Variants in VGLL4 observed in about 807,000 individuals in gnomAD.
The protein encoded by VGLL4 is vestigial like family member 4.
In VGLL4, 7 loss-of-function variants were observed where a neutral mutation model predicts 21.0. The observed-to-expected ratio is 0.33, with a 90% CI of 0.19 to 0.63. The LOEUF (loss-of-function observed/expected upper bound fraction) is 0.63, where lower values mean the gene tolerates loss of function less well. Ranked by LOEUF, VGLL4 falls within the 20% of genes least tolerant of loss-of-function variation. The pLI is 0.78. For synonymous variants in VGLL4, 222 were observed against 173.2 expected (o/e 1.28, Z -2.21); for missense variants, 394 against 425.7 (o/e 0.93, Z 0.66).
intron 2 of VGLL4, among the ~76,000 whole-genome samples, chr3:11,590,469 G>C (rs2074461544): frequency 6.6e-6 from 1 of 152,178 alleles, no homozygotes; most frequent in Non-Finnish European, 1.5e-5. Flanking sequence ...TTGGAGGAGA[G>C]GGCAGTAGCA....
At chr3:11,649,413 A>C (rs1028292394) in intron 2 of VGLL4, among the ~76,000 whole-genome samples, 5 of 152,196 alleles carry the variant, frequency 3.3e-5, no homozygotes, top group African/African-American at 4.8e-5. Context: ...AATGGTGGGC[A>C]TTTTTTCCAT....
At chr3:11,698,402 A>C (rs2076634111) in intron 2 of VGLL4, among the ~76,000 whole-genome samples, 1 of 152,164 alleles carries the variant, frequency 6.6e-6, no homozygotes, top group African/African-American at 2.4e-5. Flanking sequence ...CCAGTTACTC[A>C]GGAGGCTAAG....
chr3:11,564,040 C>T (rs1007765888), intron 3 of VGLL4, among the ~76,000 whole-genome samples: 2 of 152,210 alleles, frequency 1.3e-5, no homozygotes, highest in African/African-American at 4.8e-5. Context: ...CGGCACCATC[C>T]TCTCTGTCAG....
intron 2 of VGLL4, among the ~76,000 whole-genome samples, chr3:11,662,541 A>C (rs906438882): frequency 2.6e-5 from 4 of 152,222 alleles, no homozygotes; most frequent in South Asian, 2.1e-4. Context: ...TCCAATGGCC[A>C]ACTCAAAATA....
At position 11,573,237 on chromosome 3, in the gene VGLL4, AAGAAATAG is replaced by A. The variant is rs1225113168; in HGVS notation, c.273-8226_273-8219del. ...GAGAGAGAAAGACAGACAGAAAGAA[AAGAAATAG>A]AGAAAGAAAGAAAGAAAGAAAGAAA... On this transcript the variant is annotated intron_variant, in intron 2 of 4. Transcript: ENST00000430365. Among the ~76,000 whole-genome samples the A allele has an allele frequency of 9.7e-4, 106 of 109,534 alleles. 8 individuals carry two copies. The highest frequency in any genetic ancestry group is 7.0e-3 in the Admixed American group (66 of 9,364). The allele number at this position is 109,534 out of a possible 152,430, so 71.9% of individuals were successfully genotyped here. A position where few individuals can be genotyped will look rare whatever the true frequency, so the allele number is the denominator to read the frequency against.
At chr3:11,631,577 C>T (rs2075479207) in intron 1 of VGLL4, among the ~76,000 whole-genome samples, 1 of 152,144 alleles carries the variant, frequency 6.6e-6, no homozygotes, top group Non-Finnish European at 1.5e-5. Flanking sequence ...GTCATTCCTC[C>T]TTTATGCTCT....
At chr3:11,615,374 C>T (rs1029499090) in intron 1 of VGLL4, among the ~76,000 whole-genome samples, 1 of 152,156 alleles carries the variant, frequency 6.6e-6, no homozygotes, top group Non-Finnish European at 1.5e-5. Flanking sequence ...TGAGCTGTCC[C>T]TACAAATTTT....
chr3:11,659,652 G>A (rs926144634), intron 2 of VGLL4, among the ~76,000 whole-genome samples: 1 of 890 alleles, frequency 1.1e-3, no homozygotes, highest in Non-Finnish European at 2.1e-3. Flanking sequence ...TATTTTGAAG[G>A]GACTTGGGGA....
chr3:11,643,120 TA>T (rs1309924615), intron 1 of VGLL4, among the ~76,000 whole-genome samples: 1 of 152,106 alleles, frequency 6.6e-6, no homozygotes, highest in Non-Finnish European at 1.5e-5. Context: ...GTCCTTCCCC[TA>T]AAGACAATAT....
At chr3:11,584,350 AAAC>A (rs1382157647) in intron 2 of VGLL4, among the ~76,000 whole-genome samples, 4 of 152,208 alleles carry the variant, frequency 2.6e-5, no homozygotes, top group Non-Finnish European at 5.9e-5. Flanking sequence ...ACAAACAAAC[AAAC>A]AAAAAAACAC....
chr3:11,579,196 G>C (rs575220095), intron 2 of VGLL4, among the ~76,000 whole-genome samples: 11 of 147,678 alleles, frequency 7.4e-5, no homozygotes, highest in African/African-American at 2.7e-4. Context: ...TAGGGGGAAA[G>C]GGTTGGCCAA....
At chr3:11,625,781 A>C (rs1470777129) in intron 1 of VGLL4, among the ~76,000 whole-genome samples, 1 of 152,194 alleles carries the variant, frequency 6.6e-6, no homozygotes, top group Non-Finnish European at 1.5e-5. Context: ...AGCAATAAAA[A>C]GGAATGAAGT....
chr3:11,627,162 GTA>G (rs891481874), intron 1 of VGLL4, among the ~76,000 whole-genome samples: 1 of 149,918 alleles, frequency 6.7e-6, no homozygotes. Context: ...GCATACTTAT[GTA>G]TAAGTATGGC....
chr3:11,585,977 A>G (rs1249018834), intron 2 of VGLL4, among the ~76,000 whole-genome samples: 2 of 152,188 alleles, frequency 1.3e-5, no homozygotes, highest in African/African-American at 4.8e-5. Flanking sequence ...ACTCCAGAGC[A>G]GTCTCTGGGT....
At chr3:11,602,043 T>TA (rs2074815555) in intron 1 of VGLL4, 21 bp from the exon 2 acceptor site, 1 of 1,514,684 alleles carries the variant, frequency 6.6e-7, no homozygotes, top group African/African-American at 1.4e-5. Context: ...AGAGATGATG[T>TA]AGTCACTAAG....
At position 11,653,907 on chromosome 3, in the gene VGLL4, TC is replaced by T. The variant is rs1165171566; in HGVS notation, c.64+49063del. 1.3e-4 allele frequency among the ~76,000 whole-genome samples: 19 copies of T among 151,290 alleles called. No homozygotes were observed. The highest frequency in any genetic ancestry group is 4.4e-4 in the African/African-American group (18 of 41,108). The stretch of plus-strand genomic sequence containing the variant: ...CTTGTAGCAGGCAGAGGGATAGAAT[TC>T]ACCCGAGACAACACAGAGGGAAGGG... On this transcript the variant is annotated intron_variant, in intron 2 of 5. Coordinates refer to the VGLL4 transcript ENST00000273038. This position sits in a 1 kb window ranked among gnomAD's most constrained non-coding sequence, Gnocchi z 4.2.
intron 1 of VGLL4, among the ~76,000 whole-genome samples, chr3:11,626,899 A>G (rs370690231): frequency 4.8e-4 from 67 of 138,560 alleles, no homozygotes; most frequent in African/African-American, 1.7e-3. Flanking sequence ...GGGATGCACA[A>G]GAGATGGTAG....
chr3:11,573,327 GAAAGAAAGAAAGAAAGAAAGA>G (rs2073916069), intron 2 of VGLL4, among the ~76,000 whole-genome samples: 2 of 39,518 alleles, frequency 5.1e-5, no homozygotes, highest in East Asian at 1.6e-3. Context: ...AAGAAAGAAA[GAAAGAAAGAAAGAAAGAAAGA>G]AAGAAAGAAA....
intron 1 of VGLL4, among the ~76,000 whole-genome samples, chr3:11,625,137 G>A (rs1264636978): frequency 2.0e-5 from 3 of 152,234 alleles, no homozygotes; most frequent in Non-Finnish European, 4.4e-5. Context: ...CAAAAATTCA[G>A]TAGTGCCAGA....
Sources: allele counts gnomAD v4.1 joint callset (sites outside exome capture counted in the v4.1 genomes callset), GRCh38; gene constraint gnomAD v4.1.1; non-coding constraint Gnocchi (gnomAD v3.1); transcripts MANE v1.5; gene names NCBI Gene and HGNC (gene_info 2026-07-23, HGNC 2026-07-21).